The following PPARGC1A variants were observed in gnomAD, a reference collection of about 807,000 sequenced individuals.
PPARGC1A encodes PPARG coactivator 1 alpha.
Under a neutral mutation model 88.7 loss-of-function variants are expected in PPARGC1A, and 25 were observed. The ratio of observed to expected loss-of-function variants is 0.28; its 90% CI spans 0.21 to 0.39. The LOEUF (loss-of-function observed/expected upper bound fraction) is 0.39, where lower values mean the gene tolerates loss of function less well. PPARGC1A is among the 10% of genes least tolerant of loss of function. PPARGC1A has a pLI of 1.00. For missense variants in PPARGC1A, 880 were observed against 968.7 expected, an observed-to-expected ratio of 0.91 and a Z score of 1.22; for synonymous variants, 363 against 355.6, an observed-to-expected ratio of 1.02 and a Z score of -0.24.
chr4:24,405,356 G>A, the PPARGC1A span, among the ~76,000 whole-genome samples: 3 of 152,062 alleles, frequency 2.0e-5, no homozygotes, highest in Non-Finnish European at 4.4e-5. Flanking sequence ...GTAATTGACA[G>A]TATCTGTTTA....
At chr4:24,439,253 C>T in the PPARGC1A span, among the ~76,000 whole-genome samples, 1 of 152,190 alleles carries the variant, frequency 6.6e-6, no homozygotes, top group African/African-American at 2.4e-5. Flanking sequence ...CTAAACGCAG[C>T]ACCCTAAGGA....
intron 3 of PPARGC1A, among the ~76,000 whole-genome samples, chr4:23,830,987 T>G (rs566240603): frequency 5.3e-5 from 8 of 152,280 alleles, no homozygotes; most frequent in Non-Finnish European, 1.2e-4. Context: ...CTTTCTAGGA[T>G]TGTATGTATA....
chr4:23,822,881 A>G (rs1723247429), intron 7 of PPARGC1A, among the ~76,000 whole-genome samples: 1 of 152,054 alleles, frequency 6.6e-6, no homozygotes, highest in Admixed American at 6.6e-5. Flanking sequence ...TCCCCAATTT[A>G]TATCTGTACA....
At chr4:24,120,274 C>G in the PPARGC1A span, among the ~76,000 whole-genome samples, 6 of 152,110 alleles carry the variant, frequency 3.9e-5, no homozygotes, top group Admixed American at 3.9e-4. Context: ...AGCTAAGCCC[C>G]CAGACACCAC....
the PPARGC1A span, among the ~76,000 whole-genome samples, chr4:23,925,905 A>G: frequency 6.6e-6 from 1 of 152,190 alleles, no homozygotes; most frequent in East Asian, 1.9e-4. Context: ...TTCCCATAAA[A>G]TTTCAAACTT....
Position 23,795,888 on chromosome 4 carries a change from C to G in PPARGC1A, c.2331G>C (p.Lys777Asn). ...NSDDFDPASTKSKYDSLDFDS... is the reference protein window; with the variant it reads ...NSDDFDPASTNSKYDSLDFDS... The stretch of plus-strand genomic sequence containing the variant: ...CAAAATCCAGAGAGTCATACTTGCT[C>G]TTGGTGGAAGCAGGGTCAAAGTCAT... Residue 777 changes from lysine to asparagine, a missense_variant, in exon 13 of 13, where the codon AAG becomes AAC. Coordinates refer to ENST00000264867, the MANE Select transcript of PPARGC1A (RefSeq NM_013261.5). 1.2e-6 allele frequency: 2 copies of G among 1,611,654 alleles called. No homozygotes were observed. Among genetic ancestry groups the G allele is most frequent in the Non-Finnish European group, 1.7e-6 (2 of 1,179,150 alleles).
chr4:24,262,017 CTG>C, the PPARGC1A span, among the ~76,000 whole-genome samples: 1 of 152,162 alleles, frequency 6.6e-6, no homozygotes, highest in Non-Finnish European at 1.5e-5. Flanking sequence ...GAATCCCTCA[CTG>C]TTATCTCTGG....
At chr4:24,231,427 G>C in the PPARGC1A span, among the ~76,000 whole-genome samples, 1 of 152,144 alleles carries the variant, frequency 6.6e-6, no homozygotes, top group Non-Finnish European at 1.5e-5. Context: ...GTACTCTCCA[G>C]TCCGGTCCAG....
chr4:23,817,952 C>A, intron 7 of PPARGC1A, among the ~76,000 whole-genome samples: 1 of 152,128 alleles, frequency 6.6e-6, no homozygotes, highest in East Asian at 1.9e-4. Flanking sequence ...ACAGGCAACC[C>A]CTTGCTGCCT....
At chr4:24,365,999 T>G in the PPARGC1A span, among the ~76,000 whole-genome samples, 1 of 152,160 alleles carries the variant, frequency 6.6e-6, no homozygotes, top group East Asian at 1.9e-4. Context: ...CATCAACTTG[T>G]GGAGAGGAAG....
intron 2 of PPARGC1A, among the ~76,000 whole-genome samples, chr4:23,843,259 AT>A (rs1727386160): frequency 1.3e-5 from 2 of 152,056 alleles, no homozygotes; most frequent in African/African-American, 4.8e-5. Context: ...TCAACTTAAG[AT>A]TTTTTAAAGG....
chr4:24,039,307 A>G, the PPARGC1A span, among the ~76,000 whole-genome samples: 2 of 152,212 alleles, frequency 1.3e-5, no homozygotes, highest in Non-Finnish European at 2.9e-5. Flanking sequence ...CGAGTAATTG[A>G]AAACACACAA....
chr4:24,319,174 T>C, the PPARGC1A span, among the ~76,000 whole-genome samples: 3 of 152,038 alleles, frequency 2.0e-5, no homozygotes, highest in Non-Finnish European at 2.9e-5. Context: ...AGCAAGACCT[T>C]GTCTCTACAA....
intron 7 of PPARGC1A, among the ~76,000 whole-genome samples, chr4:23,823,418 T>C (rs2109588494): frequency 6.6e-6 from 1 of 151,968 alleles, no homozygotes; most frequent in Middle Eastern, 3.4e-3. Context: ...AAAACTGTAA[T>C]ATTTGAATGT....
upstream of PPARGC1A, among the ~76,000 whole-genome samples, chr4:23,907,929 C>A (rs556528533): frequency 1.3e-5 from 2 of 152,052 alleles, no homozygotes; most frequent in African/African-American, 2.4e-5. Context: ...GGGTGCCTTG[C>A]GCACATGGAG....
the PPARGC1A span, among the ~76,000 whole-genome samples, chr4:24,263,368 C>T: frequency 6.6e-6 from 1 of 152,016 alleles, no homozygotes; most frequent in African/African-American, 2.4e-5. Context: ...CATTTCACAT[C>T]AATAAATATT....
chr4:24,364,789 G>A, the PPARGC1A span, among the ~76,000 whole-genome samples: 1 of 152,092 alleles, frequency 6.6e-6, no homozygotes, highest in Admixed American at 6.5e-5. Flanking sequence ...GAGTTGTAAA[G>A]GTTGAATTAG....
At chr4:24,166,736 A>G in the PPARGC1A span, among the ~76,000 whole-genome samples, 1 of 152,342 alleles carries the variant, frequency 6.6e-6, no homozygotes, top group African/African-American at 2.4e-5. Context: ...GGATGACATC[A>G]TATCTGTTTA....
chr4:24,202,651 T>C, the PPARGC1A span, among the ~76,000 whole-genome samples: 1 of 152,096 alleles, frequency 6.6e-6, no homozygotes, highest in African/African-American at 2.4e-5. Context: ...TCTTCTTCCT[T>C]TGCCCTCTGG....
Sources: allele counts gnomAD v4.1 joint callset (sites outside exome capture counted in the v4.1 genomes callset), GRCh38; gene constraint gnomAD v4.1.1; transcripts MANE v1.5; gene names NCBI Gene and HGNC (gene_info 2026-07-23, HGNC 2026-07-21).